Variants in DIAPH3 observed in about 807,000 individuals in gnomAD.
DIAPH3 encodes the protein protein diaphanous homolog 3.
A neutral mutation model predicts 144.3 loss-of-function variants in DIAPH3; 117 were observed. The observed-to-expected ratio is 0.81, with a 90% confidence interval of 0.70 to 0.95. The LOEUF is 0.95. Among genes scored for constraint, DIAPH3 ranks in the 40% least tolerant of loss-of-function variants. The pLI, the probability that DIAPH3 is intolerant of heterozygous loss-of-function variation, is 0.00. For synonymous variants in DIAPH3, 519 were observed against 488.9 expected, an observed-to-expected ratio of 1.06 and a Z score of -0.81; for missense variants, 1,421 against 1,412.7, an observed-to-expected ratio of 1.01 and a Z score of -0.09.
chr13:59,671,092 G>A (rs1050743719), intron 27 of DIAPH3, among the ~76,000 whole-genome samples: 2 of 152,176 alleles, frequency 1.3e-5, no homozygotes, highest in Non-Finnish European at 2.9e-5. Context: ...GTTATTGGTG[G>A]CTTTGTGTGG....
intron 5 of DIAPH3, among the ~76,000 whole-genome samples, chr13:60,040,544 C>T (rs1167648406): frequency 2.7e-5 from 4 of 147,034 alleles, no homozygotes; most frequent in Non-Finnish European, 6.2e-5. Flanking sequence ...TAAAAACCTT[C>T]TATTTTGTTT....
chr13:59,731,437 A>G (rs538806002), intron 27 of DIAPH3, among the ~76,000 whole-genome samples: 2 of 152,346 alleles, frequency 1.3e-5, no homozygotes, highest in South Asian at 4.1e-4. Context: ...AGAAAATCCA[A>G]TTATATAATT....
At chr13:59,693,542 T>C (rs1336288482) in intron 27 of DIAPH3, among the ~76,000 whole-genome samples, 1 of 152,178 alleles carries the variant, frequency 6.6e-6, no homozygotes, top group Non-Finnish European at 1.5e-5. Flanking sequence ...TTGGATGGTC[T>C]TTATATAGTA....
At chr13:59,825,355 AG>A (rs1452317355) in intron 24 of DIAPH3, among the ~76,000 whole-genome samples, 4 of 152,174 alleles carry the variant, frequency 2.6e-5, no homozygotes, top group Non-Finnish European at 2.9e-5. Context: ...GTCCCTACAA[AG>A]GATATGAACT....
At chr13:59,975,383 G>T (rs1299353013) in intron 14 of DIAPH3, among the ~76,000 whole-genome samples, 1 of 151,990 alleles carries the variant, frequency 6.6e-6, no homozygotes, top group East Asian at 1.9e-4. Context: ...ATAACACTAA[G>T]AGGCAGTTGC....
intron 27 of DIAPH3, among the ~76,000 whole-genome samples, chr13:59,719,412 T>C (rs1410764445): frequency 1.3e-5 from 2 of 152,178 alleles, no homozygotes; most frequent in African/African-American, 4.8e-5. Flanking sequence ...ATGGATTAAT[T>C]TGAAAGCTAT....
At chr13:59,824,958 AAC>A (rs1244088172) in intron 24 of DIAPH3, among the ~76,000 whole-genome samples, 1 of 152,138 alleles carries the variant, frequency 6.6e-6, no homozygotes, top group Non-Finnish European at 1.5e-5. Flanking sequence ...TCTATATGAG[AAC>A]AGGTGATATT....
At chr13:59,842,389 G>A (rs1331453719) in intron 22 of DIAPH3, among the ~76,000 whole-genome samples, 3 of 152,020 alleles carry the variant, frequency 2.0e-5, no homozygotes, top group African/African-American at 7.2e-5. Flanking sequence ...AAAAGCACAG[G>A]GCAAATGTTG....
rs551514978 is a variant in DIAPH3, at chr13:60,029,673, C to T, written c.626+13017G>A. Among the ~76,000 whole-genome samples, 4 of 152,314 alleles carry T rather than the reference C, an allele frequency of 2.6e-5. No individual in the cohort carries two copies. In the South Asian group the frequency reaches 8.3e-4, roughly 32 times the overall value. On this transcript the variant is annotated intron_variant, in intron 5 of 27. Coordinates refer to ENST00000400324, the MANE Select transcript of DIAPH3 (RefSeq NM_001042517.2). ...TGCCATGATTGTAAGTTTCCTGAGG[C>T]CTCCCCAGTAAAGCAGAACTGTGGG...
intron 25 of DIAPH3, among the ~76,000 whole-genome samples, chr13:59,787,760 C>T (rs764458910): frequency 6.6e-6 from 1 of 152,148 alleles, no homozygotes; most frequent in African/African-American, 2.4e-5. Flanking sequence ...TGTTCCCCCC[C>T]AACCCCAAAT....
intron 17 of DIAPH3, among the ~76,000 whole-genome samples, chr13:59,967,335 A>C (rs2050117573): frequency 6.6e-6 from 1 of 152,046 alleles, no homozygotes; most frequent in South Asian, 2.1e-4. Flanking sequence ...TCGACCTCCC[A>C]AAATGCTGAG....
chr13:60,011,659 C>T (rs971810633), intron 7 of DIAPH3, among the ~76,000 whole-genome samples: 1 of 152,032 alleles, frequency 6.6e-6, no homozygotes, highest in African/African-American at 2.4e-5. Context: ...CATGTAGCTA[C>T]CATATTACAA....
intron 4 of DIAPH3, among the ~76,000 whole-genome samples, chr13:60,060,628 T>C (rs2056731973): frequency 6.6e-6 from 1 of 152,128 alleles, no homozygotes; most frequent in Non-Finnish European, 1.5e-5. Context: ...TCATCCTCTT[T>C]GTAACTAACT....
intron 17 of DIAPH3, among the ~76,000 whole-genome samples, chr13:59,941,213 C>G (rs2048513941): frequency 6.6e-6 from 1 of 152,060 alleles, no homozygotes; most frequent in Non-Finnish European, 1.5e-5. Flanking sequence ...ATTCCTTTAA[C>G]TATATAAAAC....
rs375282276 is a variant in DIAPH3, at chr13:59,839,427, T to C, written c.2759A>G (p.Lys920Arg). The change falls in exon 23 of 28, where the codon AAG becomes AGG. Residue 920 changes from lysine to arginine, a missense_variant. Transcript: ENST00000400324. Reference protein sequence around the residue: ...ASKVSVETLEKNLRQMGRQLQ... With the variant: ...ASKVSVETLERNLRQMGRQLQ... ...CTGCCTTCCCATCTGCCTCAAATTC[T>C]TTTCCAGCGTTTCTACAGAGACTAA... 27 of 1,613,388 alleles carry C rather than the reference T, an allele frequency of 1.7e-5. No homozygotes were observed. Among genetic ancestry groups the C allele is most frequent in the Non-Finnish European group, 2.2e-5 (26 of 1,179,676 alleles).
chr13:60,153,229 C>T (rs1747381190), intron 1 of DIAPH3, among the ~76,000 whole-genome samples: 1 of 151,928 alleles, frequency 6.6e-6, no homozygotes, highest in South Asian at 2.1e-4. Context: ...TCCAAAATCA[C>T]ATTATTCTGG....
At chr13:59,930,778 T>C (rs760523139) in intron 17 of DIAPH3, among the ~76,000 whole-genome samples, 1 of 152,112 alleles carries the variant, frequency 6.6e-6, no homozygotes, top group Non-Finnish European at 1.5e-5. Context: ...ATTAGAAGAA[T>C]GGCAAAAATT....
chr13:59,710,919 G>A (rs2034698585), intron 27 of DIAPH3, among the ~76,000 whole-genome samples: 1 of 152,148 alleles, frequency 6.6e-6, no homozygotes, highest in African/African-American at 2.4e-5. Context: ...ACAATACTTT[G>A]AGATGAGTTT....
At chr13:60,093,583 TA>T (rs768100086) in intron 4 of DIAPH3, 44 bp downstream of exon 4, 2 of 1,333,968 alleles carry the variant, frequency 1.5e-6, no homozygotes, top group Non-Finnish European at 2.1e-6. Flanking sequence ...TTTTCCATGT[TA>T]AAACATGTTC....
Sources: allele counts gnomAD v4.1 joint callset (sites outside exome capture counted in the v4.1 genomes callset), GRCh38; gene constraint gnomAD v4.1.1; transcripts MANE v1.5; gene names NCBI Gene and HGNC (gene_info 2026-07-23, HGNC 2026-07-21).